RABGAP1L: variants seen among roughly 807,000 people sequenced by gnomAD.
RABGAP1L encodes the protein rab GTPase-activating protein 1-like.
A neutral mutation model predicts 137.7 loss-of-function variants in RABGAP1L; 63 were observed. The ratio of observed to expected loss-of-function variants is 0.46; its 90% confidence interval spans 0.37 to 0.56. The LOEUF (loss-of-function observed/expected upper bound fraction) is 0.56, where lower values mean the gene tolerates loss of function less well. Among genes scored for constraint, RABGAP1L ranks in the 20% least tolerant of loss-of-function variants. The pLI is 0.00. For synonymous variants in RABGAP1L, 431 were observed against 433.7 expected (o/e 0.99, Z 0.08); for missense variants, 1,095 against 1,244.0 (o/e 0.88, Z 1.80).
intron 13 of RABGAP1L, among the ~76,000 whole-genome samples, chr1:174,494,016 T>C (rs557447079): frequency 6.6e-6 from 1 of 152,314 alleles, no homozygotes; most frequent in South Asian, 2.1e-4. Context: ...AAACAAATAA[T>C]TTTATTTTTT....
At chr1:174,625,089 G>T (rs12066268) in intron 13 of RABGAP1L, among the ~76,000 whole-genome samples, 20,205 of 151,818 alleles carry the variant, frequency 0.13, 4,508 homozygotes, top group African/African-American at 0.46. Context: ...GGCCAGGCTG[G>T]TCTTCAACTC....
intron 13 of RABGAP1L, among the ~76,000 whole-genome samples, chr1:174,540,294 T>G (rs1665268268): frequency 6.6e-6 from 1 of 152,212 alleles, no homozygotes; most frequent in South Asian, 2.1e-4. Flanking sequence ...GCTCTTTAGT[T>G]TAATTAAATC....
intron 13 of RABGAP1L, among the ~76,000 whole-genome samples, chr1:174,458,693 G>C (rs76324073): frequency 4.0e-4 from 61 of 152,126 alleles, no homozygotes; most frequent in Non-Finnish European, 2.6e-4. Flanking sequence ...ATCAAACTTA[G>C]TGTCTAGTTT....
Position 174,619,574 on chromosome 1 carries a change from C to T in RABGAP1L, c.1711-17801C>T, listed in dbSNP as rs1411278387. Among the ~76,000 whole-genome samples, 10 of 152,302 alleles carry T rather than the reference C, an allele frequency of 6.6e-5. No homozygotes were observed. In the South Asian group the frequency reaches 1.5e-3, roughly 22 times the overall value. On this transcript the variant is annotated intron_variant, in intron 13 of 25. Transcript: ENST00000681986. ...AGTGAAGGAGAAATAAACTCCTTTA[C>T]AGACAAGCAAATGCTGAGAGATTTT...
At chr1:174,554,063 G>T (rs1236627539) in intron 13 of RABGAP1L, among the ~76,000 whole-genome samples, 1 of 152,094 alleles carries the variant, frequency 6.6e-6, no homozygotes, top group East Asian at 1.9e-4. Context: ...AATAAAGATT[G>T]CAACTTTAAT....
chr1:174,409,692 A>C (rs1201072707), intron 13 of RABGAP1L, among the ~76,000 whole-genome samples: 1 of 152,130 alleles, frequency 6.6e-6, no homozygotes, highest in African/African-American at 2.4e-5. Flanking sequence ...AAAGGAATGC[A>C]TTCCTGGGGA....
intron 19 of RABGAP1L, among the ~76,000 whole-genome samples, chr1:174,879,063 T>A (rs1240956483): frequency 6.6e-6 from 1 of 150,612 alleles, no homozygotes; most frequent in Non-Finnish European, 1.5e-5. Context: ...GCCTCCTGAG[T>A]AGCTGGGACT....
chr1:174,441,969 T>A lies in RABGAP1L; in HGVS notation c.1710+47824T>A, dbSNP rs375126201. ...GTGCAATTATCAATTATTTATAGTATTTGTAGATTCAAATAGCTACCAGTG... is the reference window on the plus strand; with the variant it reads ...GTGCAATTATCAATTATTTATAGTAATTGTAGATTCAAATAGCTACCAGTG... On this transcript the variant is annotated intron_variant, in intron 13 of 25. Coordinates refer to ENST00000681986, the MANE Select transcript of RABGAP1L (RefSeq NM_001366446.1). 4.6e-5 allele frequency among the ~76,000 whole-genome samples: 7 copies of A among 152,034 alleles called. No individual in the cohort carries two copies. In the South Asian group the frequency reaches 1.2e-3, roughly 27 times the overall value.
intron 13 of RABGAP1L, among the ~76,000 whole-genome samples, chr1:174,577,697 T>C (rs927823515): frequency 6.6e-6 from 1 of 152,216 alleles, no homozygotes; most frequent in Non-Finnish European, 1.5e-5. Context: ...GTTTAACACA[T>C]GAAGAAAGCT....
chr1:174,880,453 C>T (rs994138302), intron 19 of RABGAP1L, among the ~76,000 whole-genome samples: 2 of 150,838 alleles, frequency 1.3e-5, no homozygotes, highest in African/African-American at 4.9e-5. Context: ...GCGTAGGCAA[C>T]ATAGAGAGAC....
chr1:174,512,052 A>AGTTT (rs1183839084), intron 13 of RABGAP1L, among the ~76,000 whole-genome samples: 1 of 152,216 alleles, frequency 6.6e-6, no homozygotes, highest in East Asian at 1.9e-4. Context: ...ACATAATGAT[A>AGTTT]GTTTGATCCA....
rs116560144 is a variant in RABGAP1L, at chr1:174,881,148, T to A, written c.2340+69188T>A. 9.5e-3 allele frequency among the ~76,000 whole-genome samples: 1,440 copies of A among 152,166 alleles called. 24 individuals are homozygous for A. The highest frequency in any genetic ancestry group is 0.033 in the African/African-American group (1,380 of 41,488). ...AATGAATGAATTAATATAAATGTGCTTATCAGGAAACACTCTTCCATTTGT... is the reference window on the plus strand; with the variant it reads ...AATGAATGAATTAATATAAATGTGCATATCAGGAAACACTCTTCCATTTGT... On this transcript the variant is annotated intron_variant, in intron 19 of 25. Transcript: ENST00000681986.
At chr1:174,699,946 G>C (rs1192250056) in intron 16 of RABGAP1L, among the ~76,000 whole-genome samples, 1 of 152,112 alleles carries the variant, frequency 6.6e-6, no homozygotes, top group East Asian at 1.9e-4. Flanking sequence ...TAGAGGAATG[G>C]AGATATTTAC....
intron 13 of RABGAP1L, among the ~76,000 whole-genome samples, chr1:174,621,640 G>A (rs1672481777): frequency 6.6e-6 from 1 of 152,138 alleles, no homozygotes; most frequent in African/African-American, 2.4e-5. Flanking sequence ...TGGGAAAACT[G>A]GCTAGCCATA....
intron 13 of RABGAP1L, among the ~76,000 whole-genome samples, chr1:174,457,409 ATAT>A (rs939929247): frequency 6.6e-6 from 1 of 152,054 alleles, no homozygotes; most frequent in African/African-American, 2.4e-5. Context: ...TAGGACAATA[ATAT>A]TAACATGGGT....
intron 2 of RABGAP1L, 85 bp downstream of exon 2, chr1:174,219,380 T>G (rs1290340459): frequency 1.6e-5 from 14 of 903,018 alleles, no homozygotes; most frequent in Non-Finnish European, 2.0e-5. Context: ...CAAAGGTTTT[T>G]CTCAAGTGCT....
At chr1:174,839,039 G>T (rs61828107) in intron 19 of RABGAP1L, among the ~76,000 whole-genome samples, 9 of 147,118 alleles carry the variant, frequency 6.1e-5, no homozygotes, top group Admixed American at 3.4e-4. Context: ...GTGTGTGTGT[G>T]TGTGTGTGTG....
chr1:174,913,438 C>T (rs142428216), intron 19 of RABGAP1L, among the ~76,000 whole-genome samples: 1 of 152,220 alleles, frequency 6.6e-6, no homozygotes, highest in East Asian at 1.9e-4. Context: ...TGTGTACTGT[C>T]GATTAGGACA....
chr1:174,441,124 T>C (rs1331394621), intron 13 of RABGAP1L, among the ~76,000 whole-genome samples: 2 of 151,468 alleles, frequency 1.3e-5, no homozygotes, highest in East Asian at 3.9e-4. Flanking sequence ...TGATGTATCA[T>C]GTAATAAAGT....
Sources: allele counts gnomAD v4.1 joint callset (sites outside exome capture counted in the v4.1 genomes callset), GRCh38; gene constraint gnomAD v4.1.1; transcripts MANE v1.5; gene names NCBI Gene and HGNC (gene_info 2026-07-23, HGNC 2026-07-21).